TARS3: variants seen among roughly 807,000 people sequenced by gnomAD.
The protein encoded by TARS3 is threonyl-tRNA synthetase 3.
Under a neutral mutation model 103.5 loss-of-function variants are expected in TARS3, and 94 were observed. The ratio of observed to expected loss-of-function variants is 0.91; its 90% CI spans 0.77 to 1.08. The LOEUF (loss-of-function observed/expected upper bound fraction) is 1.08. Ranked by LOEUF, TARS3 falls within the 50% of genes least tolerant of loss-of-function variation. The probability of loss-of-function intolerance (pLI) is 0.00; values close to 1 mark genes in which losing one functional copy is unlikely to be tolerated. For missense variants in TARS3, 952 were observed against 995.2 expected (o/e 0.96, Z 0.58); for synonymous variants, 416 against 355.4 (o/e 1.17, Z -1.92).
intron 12 of TARS3, among the ~76,000 whole-genome samples, chr15:101,683,229 G>C (rs1307425042): frequency 6.6e-6 from 1 of 151,798 alleles, no homozygotes; most frequent in East Asian, 1.9e-4. Context: ...TCTAATGCAG[G>C]TATTCAGTGC....
intron 3 of TARS3, among the ~76,000 whole-genome samples, chr15:101,718,736 G>C (rs1900294426): frequency 6.6e-6 from 1 of 152,178 alleles, no homozygotes; most frequent in Non-Finnish European, 1.5e-5. Flanking sequence ...AAAAAGCCAT[G>C]CAACAACAGG....
chr15:101,699,937 T>G (rs1335663677), intron 10 of TARS3, among the ~76,000 whole-genome samples: 1 of 151,862 alleles, frequency 6.6e-6, no homozygotes, highest in African/African-American at 2.4e-5. Flanking sequence ...GGAAGAGACA[T>G]GAGGGGAGTG....
chr15:101,673,222 A>G (rs544291145), intron 13 of TARS3, among the ~76,000 whole-genome samples: 3 of 152,310 alleles, frequency 2.0e-5, no homozygotes, highest in Admixed American at 1.3e-4. Context: ...CTTGGCTGCT[A>G]AACTATTTAC....
intron 10 of TARS3, among the ~76,000 whole-genome samples, chr15:101,693,631 C>T (rs998943320): frequency 6.6e-6 from 1 of 152,084 alleles, no homozygotes; most frequent in African/African-American, 2.4e-5. Flanking sequence ...TCATAACTGC[C>T]AAAAGCTGAA....
chr15:101,712,731 A>G (rs1899930661), intron 4 of TARS3, among the ~76,000 whole-genome samples: 1 of 152,240 alleles, frequency 6.6e-6, no homozygotes, highest in South Asian at 2.1e-4. Context: ...AAAGTCACCA[A>G]ATAAATATAG....
At chr15:101,667,124 CTT>C (rs879362310) in intron 15 of TARS3, among the ~76,000 whole-genome samples, 5 of 147,790 alleles carry the variant, frequency 3.4e-5, no homozygotes, top group African/African-American at 1.2e-4. Context: ...TGAAATGAAT[CTT>C]TTTTTTTTTC....
Position 101,684,031 on chromosome 15 carries a change from A to G in TARS3, c.1650+44T>C, listed in dbSNP as rs771518771. 1.2e-5 allele frequency: 19 copies of G among 1,581,514 alleles called. 1 individual carries two copies. The highest frequency in any genetic ancestry group is 1.7e-4 in the Middle Eastern group (1 of 5,804). On this transcript the variant is annotated intron_variant, in intron 12 of 18. Transcript: ENST00000335968. ...ATACAAGATGTGTGCGGGGCATCAC[A>G]CTCAATTTGTGACCACACTGCTTCA...
chr15:101,662,911 T>A (rs1364804951), intron 15 of TARS3, among the ~76,000 whole-genome samples: 2 of 152,220 alleles, frequency 1.3e-5, no homozygotes, highest in Non-Finnish European at 2.9e-5. Flanking sequence ...AACATTGGAA[T>A]GAATGCCAAA....
intron 18 of TARS3, chr15:101,655,976 G>A: frequency 7.8e-7 from 1 of 1,289,240 alleles, no homozygotes. Context: ...GATGATGCAG[G>A]AATCTACAGC....
intron 16 of TARS3, among the ~76,000 whole-genome samples, chr15:101,658,806 A>AT (rs879856726): frequency 6.6e-6 from 1 of 151,696 alleles, no homozygotes; most frequent in Non-Finnish European, 1.5e-5. Flanking sequence ...CTTCTTTTTT[A>AT]TTTTTTTTGA....
intron 16 of TARS3, among the ~76,000 whole-genome samples, chr15:101,659,958 C>T (rs1319240827): frequency 3.9e-5 from 6 of 152,160 alleles, no homozygotes; most frequent in South Asian, 2.1e-4. Flanking sequence ...TCCCCAGTCT[C>T]GCTGGACATG....
rs139045104 is a variant in TARS3, at chr15:101,711,927, A to C, written c.765T>G (p.Gly255=). ...ELYYGGHLCY[G]PPIENGFYYD... is the part of the protein sequence containing the mutation. ...AATAAAATCCATTTTCAATGGGCGGACCGTAGCACAGGTGGCCTCCATAGT... is the reference window on the plus strand; with the variant it reads ...AATAAAATCCATTTTCAATGGGCGGCCCGTAGCACAGGTGGCCTCCATAGT... Residue 255 remains glycine, a synonymous_variant, in exon 5 of 19, where the codon GGT becomes GGG. Coordinates refer to ENST00000335968, the MANE Select transcript of TARS3 (RefSeq NM_152334.3). The C allele has an allele frequency of 1.2e-6, 2 of 1,613,950 alleles. No homozygotes were observed. The highest frequency in any genetic ancestry group is 8.5e-7 in the Non-Finnish European group (1 of 1,179,836).
intron 11 of TARS3, among the ~76,000 whole-genome samples, chr15:101,685,191 AT>A: frequency 6.6e-6 from 1 of 152,202 alleles, no homozygotes. Flanking sequence ...GAAACTATGT[AT>A]GTTGATAATA....
intron 16 of TARS3, 123 bp from the exon 17 acceptor site, chr15:101,657,980 T>C (rs1897248287): frequency 1.7e-6 from 1 of 588,864 alleles, no homozygotes; most frequent in Non-Finnish European, 2.8e-6. Flanking sequence ...TAGCGCAGCA[T>C]GGAAGAAAAC....
At chr15:101,680,184 A>G (rs921347237) in intron 12 of TARS3, among the ~76,000 whole-genome samples, 1 of 152,220 alleles carries the variant, frequency 6.6e-6, no homozygotes, top group African/African-American at 2.4e-5. Flanking sequence ...GTATTGAGGT[A>G]CTTATTTAGA....
At chr15:101,658,381 G>A (rs1040145402) in intron 16 of TARS3, among the ~76,000 whole-genome samples, 2 of 150,844 alleles carry the variant, frequency 1.3e-5, no homozygotes, top group African/African-American at 4.9e-5. Flanking sequence ...GGCTCTTAAG[G>A]GAATTCCACT....
chr15:101,676,699 G>A (rs1347928976), intron 12 of TARS3, among the ~76,000 whole-genome samples: 1 of 151,308 alleles, frequency 6.6e-6, no homozygotes, highest in African/African-American at 2.4e-5. Context: ...TAGAGAAGGG[G>A]TTTCGCCATG....
intron 7 of TARS3, 31 bp from the exon 8 acceptor site, chr15:101,703,968 C>G: frequency 6.7e-7 from 1 of 1,499,128 alleles, no homozygotes; most frequent in Non-Finnish European, 9.3e-7. Context: ...CATGCTCAGG[C>G]ACAGTTACAG....
chr15:101,656,095 G>A, intron 18 of TARS3: 1 of 1,257,784 alleles, frequency 8.0e-7, no homozygotes, highest in Non-Finnish European at 1.0e-6. Flanking sequence ...CGAGAAATGG[G>A]GAGAAATACT....
Sources: allele counts gnomAD v4.1 joint callset (sites outside exome capture counted in the v4.1 genomes callset), GRCh38; gene constraint gnomAD v4.1.1; transcripts MANE v1.5; gene names NCBI Gene and HGNC (gene_info 2026-07-23, HGNC 2026-07-21).